ASTN2: variants seen among roughly 807,000 people sequenced by gnomAD.
ASTN2 encodes astrotactin 2.
Under a neutral mutation model 139.8 loss-of-function variants are expected in ASTN2, and 54 were observed. The ratio of observed to expected loss-of-function variants is 0.39; its 90% CI spans 0.31 to 0.48. ASTN2 has a LOEUF of 0.48. Among genes scored for constraint, ASTN2 ranks in the 20% least tolerant of loss-of-function variants. The pLI, the probability that ASTN2 is intolerant of heterozygous loss-of-function variation, is 0.95. For missense variants in ASTN2, 1,565 were observed against 1,725.1 expected, an observed-to-expected ratio of 0.91 and a Z score of 1.64; for synonymous variants, 756 against 719.5, an observed-to-expected ratio of 1.05 and a Z score of -0.81.
intron 17 of ASTN2, among the ~76,000 whole-genome samples, chr9:116,621,260 G>T (rs1173728197): frequency 6.6e-6 from 1 of 152,136 alleles, no homozygotes; most frequent in Non-Finnish European, 1.5e-5. Flanking sequence ...TACTTTACAT[G>T]AATTGGCATG....
chr9:116,634,708 T>A (rs1400946230), intron 17 of ASTN2, among the ~76,000 whole-genome samples: 2 of 152,156 alleles, frequency 1.3e-5, no homozygotes, highest in African/African-American at 4.8e-5. Flanking sequence ...GAATTATTTT[T>A]ATTCTTTGTA....
chr9:117,241,947 C>T (rs1050348436), intron 2 of ASTN2, among the ~76,000 whole-genome samples: 1 of 147,872 alleles, frequency 6.8e-6, no homozygotes, highest in African/African-American at 2.6e-5. Context: ...CACACACACA[C>T]CACACACCCC....
At chr9:117,308,034 T>C (rs975736419) in intron 1 of ASTN2, among the ~76,000 whole-genome samples, 1 of 152,180 alleles carries the variant, frequency 6.6e-6, no homozygotes, top group Non-Finnish European at 1.5e-5. Flanking sequence ...ACTGATTTGC[T>C]ATTTTATCCC....
intron 7 of ASTN2, among the ~76,000 whole-genome samples, chr9:116,993,380 G>T (rs187276823): frequency 6.6e-6 from 1 of 151,630 alleles, no homozygotes; most frequent in Non-Finnish European, 1.5e-5. Flanking sequence ...ACACCTTTTC[G>T]GTTGTGCCTG....
intron 1 of ASTN2, among the ~76,000 whole-genome samples, chr9:117,300,259 G>C (rs1834843187): frequency 1.3e-5 from 2 of 152,142 alleles, no homozygotes; most frequent in South Asian, 4.1e-4. Context: ...ATATTCCTTT[G>C]TTCCCTCTAA....
At chr9:116,761,240 C>A (rs921225734) in intron 13 of ASTN2, among the ~76,000 whole-genome samples, 1 of 152,222 alleles carries the variant, frequency 6.6e-6, no homozygotes, top group Non-Finnish European at 1.5e-5. Context: ...TGAACCTAGG[C>A]TCTCAGAGAA....
In ASTN2 at chr9:116,701,880, G is replaced by GGT. The variant is rs560034509; in HGVS notation, c.2806+23890_2806+23891insAC. ...TTGTTCAATTACAGCAGTTTTTTGGGTTTTTTTTTTTTTTTTGCTTTGTTT... is the reference window on the plus strand; with the variant it reads ...TTGTTCAATTACAGCAGTTTTTTGGGGTTTTTTTTTTTTTTTTTGCTTTGTTT... On this transcript the variant is annotated intron_variant, in intron 16 of 22. Transcript: ENST00000313400. Among the ~76,000 whole-genome samples the GGT allele has an allele frequency of 5.6e-3, 745 of 133,334 alleles. 6 individuals carry two copies. Among genetic ancestry groups the GGT allele is most frequent in the African/African-American group, 0.019 (697 of 36,064 alleles). 87.5% of individuals were successfully genotyped at this position (133,334 alleles called of 152,430 possible). A position where few individuals can be genotyped will look rare whatever the true frequency, so the allele number is the denominator to read the frequency against.
intron 19 of ASTN2, among the ~76,000 whole-genome samples, chr9:116,596,154 A>T (rs887797649): frequency 6.6e-6 from 1 of 152,230 alleles, no homozygotes; most frequent in African/African-American, 2.4e-5. Flanking sequence ...AAAGGACGTT[A>T]TGCTGAGTAT....
chr9:117,261,302 G>A (rs1833816331), intron 2 of ASTN2, among the ~76,000 whole-genome samples: 2 of 152,134 alleles, frequency 1.3e-5, no homozygotes, highest in Non-Finnish European at 1.5e-5. Flanking sequence ...AGCAGAAATT[G>A]GGCCAAGAAG....
At chr9:117,364,999 A>ACACACACACAC (rs1564167764) in intron 1 of ASTN2, among the ~76,000 whole-genome samples, 1 of 100,412 alleles carries the variant, frequency 1.0e-5, no homozygotes. Context: ...ACACACACAC[A>ACACACACACAC]AAATCAGCCA....
In ASTN2 at chr9:116,698,914, G is replaced by A. The variant is rs1468991004; in HGVS notation, c.2806+26857C>T. 6.2e-7 allele frequency: 1 copy of A among 1,614,204 alleles called. No homozygotes were observed. The highest frequency in any genetic ancestry group is 1.3e-5 in the African/African-American group (1 of 75,048). On this transcript the variant is annotated intron_variant, in intron 16 of 22. Coordinates refer to ENST00000313400, the MANE Select transcript of ASTN2 (RefSeq NM_001365068.1). This position sits in a 1 kb window ranked among gnomAD's most constrained non-coding sequence, Gnocchi z 4.4. ...GGTGAAGTACTAGTCGCTGACCGTG[G>A]TAACTATCGTATACAAGTCTTTACC...
chr9:117,406,580 A>T (rs920447108), intron 1 of ASTN2, among the ~76,000 whole-genome samples: 2 of 151,996 alleles, frequency 1.3e-5, no homozygotes, highest in African/African-American at 4.8e-5. Context: ...CTAGATAATC[A>T]GCTAGGATTA....
chr9:117,032,943 A>G (rs1295282484), intron 6 of ASTN2, among the ~76,000 whole-genome samples: 1 of 152,160 alleles, frequency 6.6e-6, no homozygotes, highest in Non-Finnish European at 1.5e-5. Context: ...ATTTAAAATA[A>G]CCTGAATAAA....
At chr9:117,361,852 T>TA (rs1463708330) in intron 1 of ASTN2, among the ~76,000 whole-genome samples, 1 of 152,130 alleles carries the variant, frequency 6.6e-6, no homozygotes, top group Non-Finnish European at 1.5e-5. Context: ...AAAATATATA[T>TA]ATTGCATATC....
At chr9:117,340,940 C>T (rs929728613) in intron 1 of ASTN2, among the ~76,000 whole-genome samples, 6 of 152,134 alleles carry the variant, frequency 3.9e-5, no homozygotes, top group African/African-American at 1.4e-4. Flanking sequence ...TTTGCATGGT[C>T]TTGTGCCTAT....
At chr9:116,440,564 AG>A (rs761282378) in intron 22 of ASTN2, 44 bp downstream of exon 22, 1 of 1,582,706 alleles carries the variant, frequency 6.3e-7, no homozygotes. Flanking sequence ...AGTCAACTGG[AG>A]GCAAAAAGAA....
intron 2 of ASTN2, among the ~76,000 whole-genome samples, chr9:117,223,598 G>A (rs984085848): frequency 1.3e-5 from 2 of 151,960 alleles, no homozygotes; most frequent in African/African-American, 4.8e-5. Context: ...ATTTTTTCTT[G>A]GGTAATCTTC....
chr9:116,825,360 T>C (rs1356068262), intron 11 of ASTN2, among the ~76,000 whole-genome samples: 2 of 152,158 alleles, frequency 1.3e-5, no homozygotes, highest in Non-Finnish European at 2.9e-5. Context: ...TGGTACATAA[T>C]AGACACCTAA....
intron 10 of ASTN2, among the ~76,000 whole-genome samples, chr9:116,876,653 A>T (rs534401543): frequency 3.7e-4 from 56 of 152,364 alleles, no homozygotes; most frequent in African/African-American, 1.3e-3. Flanking sequence ...CACCCTGATC[A>T]GTGAGCAGCT....
Sources: allele counts gnomAD v4.1 joint callset (sites outside exome capture counted in the v4.1 genomes callset), GRCh38; gene constraint gnomAD v4.1.1; non-coding constraint Gnocchi (gnomAD v3.1); transcripts MANE v1.5; gene names NCBI Gene and HGNC (gene_info 2026-07-23, HGNC 2026-07-21).